The following RYR3 variants were observed in gnomAD, a reference collection of about 807,000 sequenced individuals.
RYR3 encodes ryanodine receptor 3.
In RYR3, 207 loss-of-function variants were observed where a neutral mutation model predicts 584.3. That is an observed-to-expected ratio of 0.35 (90% CI 0.32 to 0.40). The LOEUF is 0.40. RYR3 is among the 10% of genes least tolerant of loss of function. RYR3 has a pLI of 1.00. For missense variants in RYR3, 5,616 were observed against 6,089.2 expected (o/e 0.92, Z 2.59); for synonymous variants, 2,416 against 2,248.5 (o/e 1.07, Z -2.11).
intron 2 of RYR3, among the ~76,000 whole-genome samples, chr15:33,482,658 C>T (rs895978171): frequency 2.0e-5 from 3 of 152,104 alleles, no homozygotes; most frequent in South Asian, 2.1e-4. Context: ...ACGTTAAGTG[C>T]TCCTCCCACC....
rs374893100 is a variant in RYR3 at position 33,853,116 on chromosome 15, G to A, written c.13671+29G>A. 75 of 1,543,470 alleles carry A rather than the reference G, an allele frequency of 4.9e-5. No individual in the cohort carries two copies. In the South Asian group the frequency reaches 5.3e-4, roughly 11 times the overall value. ...TGCCTTGTTAGTGGGGGTGAGTTCCGTGATCACCAAAAAATGTGGTGTATG... is the reference window on the plus strand; with the variant it reads ...TGCCTTGTTAGTGGGGGTGAGTTCCATGATCACCAAAAAATGTGGTGTATG... On this transcript the variant is annotated intron_variant, in intron 95 of 103. Transcript: ENST00000634891.
intron 7 of RYR3, among the ~76,000 whole-genome samples, chr15:33,541,677 A>G (rs915556013): frequency 6.6e-5 from 10 of 152,308 alleles, no homozygotes; most frequent in South Asian, 2.1e-4. Flanking sequence ...ATGCCGGTCT[A>G]TTCTATCATG....
chr15:33,436,028 A>G (rs567359039), intron 1 of RYR3, among the ~76,000 whole-genome samples: 4 of 152,310 alleles, frequency 2.6e-5, no homozygotes, highest in African/African-American at 9.6e-5. Context: ...TCCATTTTAC[A>G]AAGTGCTGAT....
At chr15:33,858,079 G>C (rs2079892225) in intron 99 of RYR3, 165 bp downstream of exon 99, 3 of 925,410 alleles carry the variant, frequency 3.2e-6, no homozygotes, top group African/African-American at 1.7e-5. Context: ...CTCCAAACAG[G>C]AGAGTGTCCT....
intron 4 of RYR3, 52 bp from the exon 5 acceptor site, chr15:33,533,259 C>A: frequency 7.8e-7 from 1 of 1,276,728 alleles, no homozygotes; most frequent in Non-Finnish European, 1.1e-6. Context: ...GGTAAGATAC[C>A]AAGACTCAAT....
chr15:33,816,913 A>C lies in RYR3; in HGVS notation c.10554A>C (p.Glu3518Asp), dbSNP rs757485751. 2 of 1,612,544 alleles carry C rather than the reference A, an allele frequency of 1.2e-6. No homozygotes were observed. The highest frequency in any genetic ancestry group is 3.3e-5 in the Admixed American group (2 of 59,956). Reference sequence around the variant, plus strand: ...ATGGCTATCAGAGATTTTGGATAGAAACAGAGGAGTATTCCTTTGAAGAGA... The same window carrying C: ...ATGGCTATCAGAGATTTTGGATAGACACAGAGGAGTATTCCTTTGAAGAGA... ...FLHGYQRFWI[E>D]TEEYSFEEKL... The change falls in exon 75 of 104, where the codon GAA (glutamate) becomes GAC (aspartate). Residue 3518 changes from glutamate (E) to aspartate (D), a missense_variant. Coordinates refer to ENST00000634891, the MANE Select transcript of RYR3 (RefSeq NM_001036.6).
Position 33,810,504 on chromosome 15 carries a change from A to G in RYR3, c.10052A>G (p.Lys3351Arg). Reference protein sequence around the residue: ...VKSGGQDQERKKTKRRGDLYS... With the variant: ...VKSGGQDQERRKTKRRGDLYS... ...TCTGGAGGACAAGACCAGGAGCGGA[A>G]GAAGACAAAGCGGCGGGGAGACTTG... Residue 3351 changes from lysine to arginine, a missense_variant, in exon 71 of 104, where the codon AAG becomes AGG. Lys to Arg is a conservative substitution (Grantham distance 26). Coordinates refer to ENST00000634891, the MANE Select transcript of RYR3 (RefSeq NM_001036.6). The G allele has an allele frequency of 4.3e-6, 7 of 1,614,032 alleles. No individual in the cohort carries two copies. Among genetic ancestry groups the G allele is most frequent in the South Asian group, 1.1e-5 (1 of 91,088 alleles).
chr15:33,714,096 C>G (rs1471904197), intron 43 of RYR3, among the ~76,000 whole-genome samples: 1 of 152,002 alleles, frequency 6.6e-6, no homozygotes, highest in Non-Finnish European at 1.5e-5. Flanking sequence ...GAAAGTAAAG[C>G]CAGAAATTGA....
chr15:33,535,340 G>T (rs2055235623), intron 5 of RYR3, among the ~76,000 whole-genome samples: 1 of 152,200 alleles, frequency 6.6e-6, no homozygotes, highest in South Asian at 2.1e-4. Flanking sequence ...GGAACCTCTT[G>T]CTCTTTTCTT....
In RYR3 at chr15:33,394,951, CA is replaced by C. The variant is rs34368099; in HGVS notation, c.52-78459del. On this transcript the variant is annotated intron_variant, in intron 1 of 103. Coordinates refer to ENST00000634891, the MANE Select transcript of RYR3 (RefSeq NM_001036.6). Reference sequence around the variant, plus strand: ...TGAGGAGTTTTAAAAAATGCTGATGCAAAAAAAAACACATACTGATACCCGG... The same window carrying C: ...TGAGGAGTTTTAAAAAATGCTGATGCAAAAAAAACACATACTGATACCCGG... 4.0e-5 allele frequency among the ~76,000 whole-genome samples: 6 copies of C among 148,938 alleles called. No individual in the cohort carries two copies. The South Asian group carries it at 6.4e-4, about 16-fold the overall frequency.
intron 1 of RYR3, among the ~76,000 whole-genome samples, chr15:33,371,362 G>A (rs1470964276): frequency 6.6e-6 from 1 of 152,112 alleles, no homozygotes; most frequent in African/African-American, 2.4e-5. Context: ...CAAGGCTCCT[G>A]CAGGAGGGAA....
In RYR3 at chr15:33,660,426, A is replaced by G. The variant is rs2063092044; in HGVS notation, c.4622+3A>G. ...CTCCACATCCCCGAGGAGAACAGGT[A>G]CCAGAGGGGCCCGCGAAGGAAGGGG... On this transcript the variant is annotated splice_donor_region_variant and intron_variant, in intron 34 of 103. Transcript: ENST00000634891. The G allele has an allele frequency of 1.9e-6, 3 of 1,545,854 alleles. No individual in the cohort carries two copies. The highest frequency in any genetic ancestry group is 2.6e-6 in the Non-Finnish European group (3 of 1,142,686).
chr15:33,816,616 C>G (rs762319838), intron 74 of RYR3, among the ~76,000 whole-genome samples: 1 of 152,180 alleles, frequency 6.6e-6, no homozygotes, highest in Non-Finnish European at 1.5e-5. Flanking sequence ...AGTAGGATTA[C>G]AGATAACTGC....
chr15:33,805,827 C>G (rs1246928389), intron 69 of RYR3, among the ~76,000 whole-genome samples: 6 of 152,106 alleles, frequency 3.9e-5, no homozygotes, highest in Admixed American at 3.9e-4. Context: ...TGTTTACTCA[C>G]AGGCATGTGT....
At chr15:33,556,962 T>G (rs2057107900) in intron 10 of RYR3, among the ~76,000 whole-genome samples, 1 of 152,236 alleles carries the variant, frequency 6.6e-6, no homozygotes, top group Non-Finnish European at 1.5e-5. Context: ...AGCCATTTTC[T>G]AATAGTAGTA....
intron 1 of RYR3, among the ~76,000 whole-genome samples, chr15:33,451,889 A>T (rs921191136): frequency 3.9e-5 from 6 of 152,294 alleles, no homozygotes; most frequent in African/African-American, 1.4e-4. Context: ...GCTCAAAGCC[A>T]TGCAGCCAGT....
intron 1 of RYR3, among the ~76,000 whole-genome samples, chr15:33,366,869 G>A (rs1975574797): frequency 6.6e-6 from 1 of 152,058 alleles, no homozygotes; most frequent in South Asian, 2.1e-4. Flanking sequence ...ATGAATTTGA[G>A]CCCAACAAAA....
At chr15:33,599,703 C>T (rs944022768) in intron 16 of RYR3, among the ~76,000 whole-genome samples, 1 of 152,130 alleles carries the variant, frequency 6.6e-6, no homozygotes, top group East Asian at 1.9e-4. Context: ...TTTGGGGGCC[C>T]AAGGTATTTT....
chr15:33,631,045 C>G (rs1397159144), intron 22 of RYR3, among the ~76,000 whole-genome samples, 165 bp from the exon 23 acceptor site: 2 of 152,152 alleles, frequency 1.3e-5, no homozygotes, highest in Non-Finnish European at 2.9e-5. Flanking sequence ...ACATATGGCT[C>G]ACAAAGCCTA....
Sources: gnomAD v4.1 joint callset for allele counts (sites outside exome capture counted in the v4.1 genomes callset) on GRCh38, gnomAD v4.1.1 for gene constraint, MANE v1.5 for transcripts, NCBI Gene and HGNC (gene_info 2026-07-23, HGNC 2026-07-21) for gene names.